The following CCDC9B variants were observed in gnomAD, a reference collection of about 807,000 sequenced individuals.
CCDC9B encodes coiled-coil domain-containing protein 9B.
In CCDC9B, 40 loss-of-function variants were observed where a neutral mutation model predicts 47.2. The observed-to-expected ratio is 0.85, with a 90% confidence interval of 0.66 to 1.10. CCDC9B has a LOEUF of 1.10. Among genes scored for constraint, CCDC9B ranks in the 50% least tolerant of loss-of-function variants. The pLI, the probability that CCDC9B is intolerant of heterozygous loss-of-function variation, is 0.00. For synonymous variants in CCDC9B, 238 were observed against 250.7 expected, an observed-to-expected ratio of 0.95 and a Z score of 0.48; for missense variants, 662 against 651.0, an observed-to-expected ratio of 1.02 and a Z score of -0.18.
rs775076084 is a variant in CCDC9B, at chr15:40,338,747, C to A, written c.387+1G>T. The A allele has an allele frequency of 6.2e-7, 1 of 1,612,704 alleles. No individual in the cohort carries two copies. The highest frequency in any genetic ancestry group is 1.1e-5 in the South Asian group (1 of 90,932). On this transcript the variant is annotated splice_donor_variant, in intron 4 of 10. Coordinates refer to ENST00000397536, the MANE Select transcript of CCDC9B (RefSeq NM_207380.3). LOFTEE classifies it high-confidence loss of function. ...CCTGCACTCCCCACCACCCTGCTCA[C>A]CTCTGCTTTGTTCTCCATGGTCACA...
At position 40,338,904 on chromosome 15, in the gene CCDC9B, C is replaced by T. The variant is rs769128699; in HGVS notation, c.232-1G>A. ...AGTTCCTGCTAACCACCCGCTTTTC[C>T]TGCAGAACAAAGACCCTCAGGCCAC... On this transcript the variant is annotated splice_acceptor_variant, in intron 3 of 10. Transcript: ENST00000397536. LOFTEE classifies it high-confidence loss of function. 6.2e-7 allele frequency: 1 copy of T among 1,614,168 alleles called. No individual in the cohort carries two copies. Among genetic ancestry groups the T allele is most frequent in the Non-Finnish European group, 8.5e-7 (1 of 1,180,024 alleles).
Position 40,338,664 on chromosome 15 carries a change from G to A in CCDC9B, c.388-4C>T. 1 of 1,614,002 alleles carries A rather than the reference G, an allele frequency of 6.2e-7. No individual in the cohort carries two copies. The highest frequency in any genetic ancestry group is 8.5e-7 in the Non-Finnish European group (1 of 1,179,980). On this transcript the variant is annotated splice_region_variant and splice_polypyrimidine_tract_variant and intron_variant, in intron 4 of 10. Coordinates refer to ENST00000397536, the MANE Select transcript of CCDC9B (RefSeq NM_207380.3). ...TTTCACTTACAATCCGTTTGCCCTGGGGAGGATGAAGATGGGCAGTGCAGC... is the reference window on the plus strand; with the variant it reads ...TTTCACTTACAATCCGTTTGCCCTGAGGAGGATGAAGATGGGCAGTGCAGC...
chr15:40,338,417 C>A, intron 5 of CCDC9B, 118 bp downstream of exon 5: 1 of 1,205,008 alleles, frequency 8.3e-7, no homozygotes. Flanking sequence ...GCAGGAACTC[C>A]TGCATGTGCT....
intron 7 of CCDC9B, chr15:40,337,104 G>A: frequency 1.6e-6 from 1 of 613,230 alleles, no homozygotes; most frequent in African/African-American, 1.8e-5. Context: ...AGGACCACCA[G>A]GACTTTCACC....
In CCDC9B at chr15:40,339,892, G is replaced by A; in HGVS notation, c.123+13C>T. On this transcript the variant is annotated intron_variant, in intron 2 of 10. Coordinates refer to ENST00000397536, the MANE Select transcript of CCDC9B (RefSeq NM_207380.3). The stretch of plus-strand genomic sequence containing the variant: ...CCAAGTGGTTTCTCCTGGCCCTGTG[G>A]CAGCCCACTCACCTGGTACCTGCGG... 15 of 1,593,540 alleles carry A rather than the reference G, an allele frequency of 9.4e-6. No homozygotes were observed. The highest frequency in any genetic ancestry group is 1.3e-5 in the Non-Finnish European group (15 of 1,161,818).
rs1888974553 is a variant in CCDC9B at position 40,336,948 on chromosome 15, C to T, written c.743-135G>A. 3 of 784,346 alleles carry T rather than the reference C, an allele frequency of 3.8e-6. No individual in the cohort carries two copies. In the South Asian group the frequency reaches 4.8e-5, roughly 12 times the overall value. 48.6% of individuals were successfully genotyped at this position (784,346 alleles called of 1,614,324 possible). ...TTTTGCCTCCCCAAAAGCGCCCTCG[C>T]CTGGGGGTCAGGAGAATAGGGTCCT... On this transcript the variant is annotated intron_variant, in intron 7 of 10. Coordinates refer to ENST00000397536, the MANE Select transcript of CCDC9B (RefSeq NM_207380.3).
In CCDC9B at chr15:40,331,980, G is replaced by GCCAGCATCTCCCTA. The variant is rs1888868869; in HGVS notation, c.*3164_*3177dup. 2 of 152,300 alleles carry GCCAGCATCTCCCTA rather than the reference G, an allele frequency of 1.3e-5. No homozygotes were observed. Among genetic ancestry groups the GCCAGCATCTCCCTA allele is most frequent in the Non-Finnish European group, 2.9e-5 (2 of 68,104 alleles). 9.4% of individuals were successfully genotyped at this position (152,300 alleles called of 1,614,324 possible). A position where few individuals can be genotyped will look rare whatever the true frequency, so the allele number is the denominator to read the frequency against. ...TCCTTGTTTCGAGACCTTAGGTAAA[G>GCCAGCATCTCCCTA]CCAGCATCTCCCTACCAGCTCCTCC... On this transcript the variant is annotated 3_prime_UTR_variant, in exon 11 of 11. Transcript: ENST00000397536.
Position 40,333,130 on chromosome 15 carries a change from C to G in CCDC9B, c.*2028G>C, listed in dbSNP as rs569576210. On this transcript the variant is annotated 3_prime_UTR_variant, in exon 11 of 11. Coordinates refer to ENST00000397536, the MANE Select transcript of CCDC9B (RefSeq NM_207380.3). ...CCACCTGACAGGGGTAGCACTCCCCCATCCCCTACATAGCCAGCCACCAAC... is the reference window on the plus strand; with the variant it reads ...CCACCTGACAGGGGTAGCACTCCCCGATCCCCTACATAGCCAGCCACCAAC... 6.6e-6 allele frequency: 1 copy of G among 152,382 alleles called. No homozygotes were observed. Among genetic ancestry groups the G allele is most frequent in the South Asian group, 2.1e-4 (1 of 4,830 alleles). The allele number at this position is 152,382 out of a possible 1,614,324, so 9.4% of individuals were successfully genotyped here.
chr15:40,336,915 G>T, intron 7 of CCDC9B, 102 bp from the exon 8 acceptor site: 1 of 1,282,130 alleles, frequency 7.8e-7, no homozygotes, highest in Non-Finnish European at 1.1e-6. Context: ...CTCGGGGCCA[G>T]TCGTGGGTTT....
rs1475490829 is a variant in CCDC9B, at chr15:40,333,246, C to G, written c.*1912G>C. On this transcript the variant is annotated 3_prime_UTR_variant, in exon 11 of 11. Transcript: ENST00000397536. ...CTCAAAACCATGGTCCAGGAACCAGCATGGGCTTCACCTGAAGCCTCTTAG... is the reference window on the plus strand; with the variant it reads ...CTCAAAACCATGGTCCAGGAACCAGGATGGGCTTCACCTGAAGCCTCTTAG... 6.6e-6 allele frequency: 1 copy of G among 152,240 alleles called. No individual in the cohort carries two copies. Among genetic ancestry groups the G allele is most frequent in the African/African-American group, 2.4e-5 (1 of 41,422 alleles). 9.4% of individuals were successfully genotyped at this position (152,240 alleles called of 1,614,324 possible).
At position 40,334,425 on chromosome 15, in the gene CCDC9B, G is replaced by T. The variant is rs1888913517; in HGVS notation, c.*733C>A. The T allele has an allele frequency of 6.6e-6, 1 of 152,372 alleles. No homozygotes were observed. Among genetic ancestry groups the T allele is most frequent in the African/African-American group, 2.4e-5 (1 of 41,446 alleles). The allele number at this position is 152,372 out of a possible 1,614,324, so 9.4% of individuals were successfully genotyped here. On this transcript the variant is annotated 3_prime_UTR_variant, in exon 11 of 11. Coordinates refer to ENST00000397536, the MANE Select transcript of CCDC9B (RefSeq NM_207380.3). The stretch of plus-strand genomic sequence containing the variant: ...GGCCAGGCCCTTGCCTACATTCAGG[G>T]TGCACGTGATGTCTGACCTGGGTGT...
chr15:40,335,471 C>T lies in CCDC9B; in HGVS notation c.1160G>A (p.Gly387Glu), dbSNP rs1161699901. The T allele has an allele frequency of 6.3e-7, 1 of 1,595,100 alleles. No homozygotes were observed. The highest frequency in any genetic ancestry group is 8.5e-7 in the Non-Finnish European group (1 of 1,169,628). The change falls in exon 11 of 11, where the codon GGG (glycine) becomes GAG (glutamate). Residue 387 changes from glycine (G) to glutamate (E), a missense_variant. Coordinates refer to ENST00000397536, the MANE Select transcript of CCDC9B (RefSeq NM_207380.3). ...DLSLGGAGIP[G>E]PRESGCVLGL... is the part of the protein sequence containing the mutation. ...GAGCACACACCCGCTCTCCCTGGGC[C>T]CAGGGATGCCAGCCCCTCCTAGGGA...
Position 40,337,052 on chromosome 15 carries a change from G to A in CCDC9B, c.743-239C>T, listed in dbSNP as rs553248472. On this transcript the variant is annotated intron_variant, in intron 7 of 10. Coordinates refer to ENST00000397536, the MANE Select transcript of CCDC9B (RefSeq NM_207380.3). ...AGCTTCTTTATATATAAAACAAGGG[G>A]ACCAGAACTCCACAGAGCTGTTTCT... The A allele has an allele frequency of 4.2e-5, 25 of 601,856 alleles. No individual in the cohort carries two copies. The Admixed American group carries it at 7.6e-4, about 18-fold the overall frequency. 37.3% of individuals were successfully genotyped at this position (601,856 alleles called of 1,614,324 possible). A position where few individuals can be genotyped will look rare whatever the true frequency, so the allele number is the denominator to read the frequency against.
Position 40,335,049 on chromosome 15 carries a change from G to A in CCDC9B, c.*109C>T, listed in dbSNP as rs2069219176. On this transcript the variant is annotated 3_prime_UTR_variant, in exon 11 of 11. Transcript: ENST00000397536. ...TGGAGAGTTTGCCACACTGCTCAGT[G>A]ACAATGGCGCAAGCCACCGGCAACC... The A allele has an allele frequency of 4.4e-6, 5 of 1,126,542 alleles. No homozygotes were observed. Among genetic ancestry groups the A allele is most frequent in the African/African-American group, 1.5e-5 (1 of 64,724 alleles). The allele number at this position is 1,126,542 out of a possible 1,614,324, so 69.8% of individuals were successfully genotyped here.
rs1043800210 is a variant in CCDC9B, at chr15:40,336,228, G to A, written c.887+346C>T. The A allele has an allele frequency of 2.6e-5, 26 of 985,240 alleles. No individual in the cohort carries two copies. The African/African-American group carries it at 3.1e-4, about 12-fold the overall frequency. 61.0% of individuals were successfully genotyped at this position (985,240 alleles called of 1,614,324 possible). On this transcript the variant is annotated intron_variant, in intron 9 of 10. Transcript: ENST00000397536. ...TCCAACTATTTCCTCTGAATACCAC[G>A]CACTCTGGGCCCATCCTGGGTCCCC...
Position 40,335,396 on chromosome 15 carries a change from G to A in CCDC9B, c.1235C>T (p.Ser412Phe), listed in dbSNP as rs924989663. The change falls in exon 11 of 11, where the codon TCT (serine) becomes TTT (phenylalanine). Residue 412 changes from serine to phenylalanine, a missense_variant. Transcript: ENST00000397536. Reference protein sequence around the residue: ...QESPVSWPEGSKQQPLGWSNH... With the variant: ...QESPVSWPEGFKQQPLGWSNH... Reference sequence around the variant, plus strand: ...GCTCCACCCCAGGGGCTGCTGCTTAGAGCCCTCTGGCCAAGACACAGGGCT... The same window carrying A: ...GCTCCACCCCAGGGGCTGCTGCTTAAAGCCCTCTGGCCAAGACACAGGGCT... 2.2e-5 allele frequency: 35 copies of A among 1,612,874 alleles called. No individual in the cohort carries two copies. Among genetic ancestry groups the A allele is most frequent in the Non-Finnish European group, 3.0e-5 (35 of 1,179,828 alleles).
chr15:40,336,710 G>T (rs746074054), intron 8 of CCDC9B, 46 bp from the exon 9 acceptor site: 1 of 1,601,780 alleles, frequency 6.2e-7, no homozygotes, highest in Admixed American at 1.7e-5. Flanking sequence ...CATAGCAGCC[G>T]GCTCCATCTT....
At chr15:40,336,437 A>G in intron 9 of CCDC9B, 137 bp downstream of exon 9, 1 of 1,430,006 alleles carries the variant, frequency 7.0e-7, no homozygotes, top group South Asian at 1.5e-5. Flanking sequence ...CTCTCCCAGC[A>G]TCTCATTAAC....
chr15:40,338,118 G>C (rs1218182724), intron 5 of CCDC9B: 1 of 726,304 alleles, frequency 1.4e-6, no homozygotes, highest in African/African-American at 1.7e-5. Context: ...AAAATGGGGA[G>C]GATCTCCGTA....
Sources: gnomAD v4.1 joint callset for allele counts on GRCh38, gnomAD v4.1.1 for gene constraint, MANE v1.5 for transcripts, NCBI Gene and HGNC (gene_info 2026-07-23, HGNC 2026-07-21) for gene names.